KDSR: variants seen among roughly 807,000 people sequenced by gnomAD.
KDSR encodes the protein 3-ketodihydrosphingosine reductase.
KDSR carries 23 observed loss-of-function variants against 41.3 expected under a neutral mutation model. The observed-to-expected ratio is 0.56, with a 90% CI of 0.40 to 0.79. The LOEUF is 0.79. KDSR is among the 30% of genes least tolerant of loss of function. The probability of loss-of-function intolerance (pLI) is 0.00; values close to 1 mark genes in which losing one functional copy is unlikely to be tolerated. For missense variants in KDSR, 351 were observed against 416.8 expected (o/e 0.84, Z 1.37); for synonymous variants, 138 against 151.7 (o/e 0.91, Z 0.66).
intron 8 of KDSR, among the ~76,000 whole-genome samples, chr18:63,338,074 T>A (rs1029374637): frequency 1.3e-5 from 2 of 152,206 alleles, no homozygotes; most frequent in African/African-American, 4.8e-5. Flanking sequence ...TCTTCACACA[T>A]GTATATATTT....
chr18:63,354,806 A>G (rs1914753036), intron 5 of KDSR, among the ~76,000 whole-genome samples: 1 of 152,234 alleles, frequency 6.6e-6, no homozygotes, highest in African/African-American at 2.4e-5. Context: ...TCTTGATTTG[A>G]GAACTCTAGT....
chr18:63,361,630 C>CA (rs1914990641), intron 2 of KDSR, among the ~76,000 whole-genome samples: 1 of 152,044 alleles, frequency 6.6e-6, no homozygotes, highest in South Asian at 2.1e-4. Context: ...GCCTGACCAA[C>CA]ATGGTGAAAC....
intron 6 of KDSR, 22 bp from the exon 7 acceptor site, chr18:63,344,515 G>A (rs1216948847): frequency 1.3e-6 from 2 of 1,566,662 alleles, no homozygotes; most frequent in Admixed American, 3.3e-5. Context: ...AACAACACGT[G>A]TACCTTCAGT....
intron 8 of KDSR, among the ~76,000 whole-genome samples, chr18:63,337,277 G>A (rs1276331638): frequency 3.3e-5 from 5 of 151,660 alleles, no homozygotes; most frequent in East Asian, 3.9e-4. Context: ...CACCACACCC[G>A]ACTAATTTTT....
At position 63,329,367 on chromosome 18, in the gene KDSR, C is replaced by A. The variant is rs1355606734; in HGVS notation, c.*2415G>T. Reference sequence around the variant, plus strand: ...GATATTTCTTCAGGGAAAATTAAGTCACAATGAAGTAGCATAAATATAAAG... The same window carrying A: ...GATATTTCTTCAGGGAAAATTAAGTAACAATGAAGTAGCATAAATATAAAG... On this transcript the variant is annotated 3_prime_UTR_variant, in exon 10 of 10. Coordinates refer to ENST00000645214, the MANE Select transcript of KDSR (RefSeq NM_002035.4). The A allele has an allele frequency of 4.8e-6, 1 of 208,736 alleles. No individual in the cohort carries two copies. Among genetic ancestry groups the A allele is most frequent in the East Asian group, 7.3e-5 (1 of 13,726 alleles). The allele number at this position is 208,736 out of a possible 1,614,324, so 12.9% of individuals were successfully genotyped here. A position where few individuals can be genotyped will look rare whatever the true frequency, so the allele number is the denominator to read the frequency against.
intron 6 of KDSR, among the ~76,000 whole-genome samples, chr18:63,349,176 G>A (rs144205003): frequency 2.0e-5 from 3 of 152,228 alleles, no homozygotes; most frequent in African/African-American, 4.8e-5. Flanking sequence ...GAGCTTAGGC[G>A]TTTGAGACCA....
In KDSR at chr18:63,328,167, T is replaced by C. The variant is rs1369307549; in HGVS notation, c.*3615A>G. On this transcript the variant is annotated 3_prime_UTR_variant, in exon 10 of 10. Transcript: ENST00000645214. Reference sequence around the variant, plus strand: ...AATTAGAACCTGATGTAATTAAATGTTTATGTAATTTAGCAAAAATATATA... The same window carrying C: ...AATTAGAACCTGATGTAATTAAATGCTTATGTAATTTAGCAAAAATATATA... The C allele has an allele frequency of 5.5e-6, 1 of 183,362 alleles. No individual in the cohort carries two copies. Among genetic ancestry groups the C allele is most frequent in the Non-Finnish European group, 1.2e-5 (1 of 86,274 alleles). The allele number at this position is 183,362 out of a possible 1,614,324, so 11.4% of individuals were successfully genotyped here.
In KDSR at chr18:63,350,714, C is replaced by T. The variant is rs185522081; in HGVS notation, c.609+174G>A. ...TCTGTCGTTAACTATAGTCTTCATG[C>T]AATGAAAAATGTTAACTGCAAAACT... On this transcript the variant is annotated intron_variant, in intron 6 of 9. Transcript: ENST00000645214. Among the ~76,000 whole-genome samples the T allele has an allele frequency of 6.4e-4, 98 of 152,284 alleles. 3 individuals are homozygous for T. In the East Asian group the frequency reaches 0.014, roughly 22 times the overall value.
At chr18:63,344,275 C>A (rs200141968) in intron 7 of KDSR, 135 bp downstream of exon 7, 1 of 570,072 alleles carries the variant, frequency 1.8e-6, no homozygotes, top group Non-Finnish European at 3.2e-6. Context: ...ATCTCAAGGT[C>A]ATCAGAAACC....
intron 3 of KDSR, among the ~76,000 whole-genome samples, chr18:63,357,594 A>ATATTTT (rs1555715128): frequency 8.3e-5 from 10 of 120,780 alleles, no homozygotes; most frequent in South Asian, 2.7e-4. Flanking sequence ...ATATATATAT[A>ATATTTT]TTTTTTTTTG....
intron 2 of KDSR, among the ~76,000 whole-genome samples, chr18:63,361,311 C>G (rs1170373885): frequency 6.7e-6 from 1 of 149,582 alleles, no homozygotes; most frequent in African/African-American, 2.5e-5. Context: ...CCCATATGAG[C>G]TCCTGGGGGC....
rs1050131997 is a variant in KDSR at position 63,360,398 on chromosome 18, A to G, written c.199-606T>C. Among the ~76,000 whole-genome samples the G allele has an allele frequency of 2.0e-5, 3 of 152,302 alleles. No homozygotes were observed. The South Asian group carries it at 6.2e-4, about 32-fold the overall frequency. On this transcript the variant is annotated intron_variant, in intron 2 of 9. Transcript: ENST00000645214. Reference sequence around the variant, plus strand: ...AAGAAAACAGATATCAGATTATCTTAATTTGCTGTAAAAAGTAACTTAAAT... The same window carrying G: ...AAGAAAACAGATATCAGATTATCTTGATTTGCTGTAAAAAGTAACTTAAAT...
chr18:63,332,448 A>G (rs1914032138), intron 9 of KDSR, among the ~76,000 whole-genome samples: 1 of 152,090 alleles, frequency 6.6e-6, no homozygotes, highest in Non-Finnish European at 1.5e-5. Context: ...GCGGCTCACT[A>G]TAGCTTTGAC....
chr18:63,354,133 AAG>A (rs1240421945), intron 5 of KDSR, among the ~76,000 whole-genome samples: 1 of 152,012 alleles, frequency 6.6e-6, no homozygotes. Flanking sequence ...AGTCTAGATA[AAG>A]AGAGAGGTTT....
intron 1 of KDSR, among the ~76,000 whole-genome samples, chr18:63,364,941 T>C (rs1200129904): frequency 6.6e-6 from 1 of 152,254 alleles, no homozygotes; most frequent in Non-Finnish European, 1.5e-5. Context: ...TTCACTGTTA[T>C]ACATAAATCA....
At chr18:63,345,118 T>A (rs189213110) in intron 6 of KDSR, 1 of 152,482 alleles carries the variant, frequency 6.6e-6, no homozygotes, top group Non-Finnish European at 1.5e-5. Context: ...CCTCCTCCAC[T>A]GAACCAACAA....
At position 63,327,866 on chromosome 18, in the gene KDSR, C is replaced by T. The variant is rs530506092; in HGVS notation, c.*3916G>A. ...CTTTGTGTATCAAAATAGCCATGTG[C>T]GCTTTTATCAGTTAAAAAGTCTTTA... On this transcript the variant is annotated 3_prime_UTR_variant, in exon 10 of 10. Coordinates refer to ENST00000645214, the MANE Select transcript of KDSR (RefSeq NM_002035.4). 2.5e-4 allele frequency: 49 copies of T among 196,904 alleles called. No homozygotes were observed. In the East Asian group the frequency reaches 3.5e-3, roughly 14 times the overall value. The allele number at this position is 196,904 out of a possible 1,614,324, so 12.2% of individuals were successfully genotyped here.
rs961910380 is a variant in KDSR at position 63,347,449 on chromosome 18, T to A, written c.610-2956A>T. On this transcript the variant is annotated intron_variant, in intron 6 of 9. Coordinates refer to ENST00000645214, the MANE Select transcript of KDSR (RefSeq NM_002035.4). The stretch of plus-strand genomic sequence containing the variant: ...AGGCAGAGGTTTCAGTGAACCGAGA[T>A]CACACAACTGCACTCCAGCCTGGGC... Among the ~76,000 whole-genome samples, 4 of 116,612 alleles carry A rather than the reference T, an allele frequency of 3.4e-5. No individual in the cohort carries two copies. In the Admixed American group the frequency reaches 5.1e-4, roughly 15 times the overall value. 76.5% of individuals were successfully genotyped at this position (116,612 alleles called of 152,430 possible). A position where few individuals can be genotyped will look rare whatever the true frequency, so the allele number is the denominator to read the frequency against.
At chr18:63,364,572 T>C (rs1915081512) in intron 1 of KDSR, among the ~76,000 whole-genome samples, 1 of 152,010 alleles carries the variant, frequency 6.6e-6, no homozygotes, top group Non-Finnish European at 1.5e-5. Context: ...GACACCCAAG[T>C]AGTGGGGATT....
Sources: allele counts gnomAD v4.1 joint callset (sites outside exome capture counted in the v4.1 genomes callset), GRCh38; gene constraint gnomAD v4.1.1; transcripts MANE v1.5; gene names NCBI Gene and HGNC (gene_info 2026-07-23, HGNC 2026-07-21).